SYT17: variants seen among roughly 807,000 people sequenced by gnomAD.
SYT17 encodes synaptotagmin 17, also known as synaptotagmin-17.
SYT17 carries 22 observed loss-of-function variants against 46.7 expected under a neutral mutation model. The observed-to-expected ratio is 0.47, with a 90% CI of 0.34 to 0.67. The LOEUF (loss-of-function observed/expected upper bound fraction) is 0.67. Ranked by LOEUF, SYT17 falls within the 30% of genes least tolerant of loss-of-function variation. SYT17 has a pLI of 0.01. For missense variants in SYT17, 519 were observed against 612.8 expected (o/e 0.85, Z 1.62); for synonymous variants, 251 against 248.4 (o/e 1.01, Z -0.10).
intron 7 of SYT17, among the ~76,000 whole-genome samples, chr16:19,249,275 A>AAAAT (rs71375627): frequency 0.075 from 10,858 of 145,276 alleles, 476 homozygotes; most frequent in Non-Finnish European, 0.1. Context: ...CGCCGTCTCA[A>AAAAT]AAATAAATAA....
intron 7 of SYT17, among the ~76,000 whole-genome samples, chr16:19,232,067 C>T (rs181640434): frequency 1.9e-4 from 29 of 152,210 alleles, no homozygotes; most frequent in East Asian, 7.7e-4. Context: ...CGGGCTCCCG[C>T]CCCGGAAGAG....
chr16:19,262,187 G>T (rs1053830598), intron 7 of SYT17, among the ~76,000 whole-genome samples: 1 of 152,220 alleles, frequency 6.6e-6, no homozygotes, highest in Non-Finnish European at 1.5e-5. Context: ...TGCTGCTATG[G>T]TCTGAATGTT....
In SYT17 at chr16:19,262,114, ATTCTC is replaced by A. The variant is rs545721941; in HGVS notation, c.1229-4765_1229-4761del. ...CACCACAGAACTTGGAAAAACTGTTATTCTCATGGTTACAGTTTATTACAGAAAAA... is the reference window on the plus strand; with the variant it reads ...CACCACAGAACTTGGAAAAACTGTTAATGGTTACAGTTTATTACAGAAAAA... On this transcript the variant is annotated intron_variant, in intron 7 of 7. Transcript: ENST00000355377. Among the ~76,000 whole-genome samples the A allele has an allele frequency of 1.6e-3, 245 of 152,332 alleles. 2 individuals carry two copies. The highest frequency in any genetic ancestry group is 5.1e-3 in the African/African-American group (214 of 41,570).
At chr16:19,188,529 A>G (rs1964878636) in intron 5 of SYT17, among the ~76,000 whole-genome samples, 3 of 151,478 alleles carry the variant, frequency 2.0e-5, no homozygotes, top group South Asian at 2.1e-4. Flanking sequence ...AAAAAAAAAA[A>G]AAAAAAAAAG....
At chr16:19,262,513 A>C (rs1969053120) in intron 7 of SYT17, among the ~76,000 whole-genome samples, 1 of 152,216 alleles carries the variant, frequency 6.6e-6, no homozygotes, top group South Asian at 2.1e-4. Flanking sequence ...AAGGGGAAAG[A>C]GTCCTCTTTG....
At chr16:19,177,312 A>G (rs1391977132) in intron 3 of SYT17, among the ~76,000 whole-genome samples, 1 of 152,222 alleles carries the variant, frequency 6.6e-6, no homozygotes, top group East Asian at 1.9e-4. Context: ...TGTGCAGTCT[A>G]CAGACTGAAC....
chr16:19,259,803 G>A lies in SYT17; in HGVS notation c.1229-7077G>A, dbSNP rs577228799. ...AACCAAAAAGTGTCTGAGACAAGTCGCAATCAGTTTGGGAGTTTATTTTCC... is the reference window on the plus strand; with the variant it reads ...AACCAAAAAGTGTCTGAGACAAGTCACAATCAGTTTGGGAGTTTATTTTCC... On this transcript the variant is annotated intron_variant, in intron 7 of 7. Transcript: ENST00000355377. Among the ~76,000 whole-genome samples the A allele has an allele frequency of 1.1e-4, 17 of 152,144 alleles. No individual in the cohort carries two copies. In the East Asian group the frequency reaches 2.7e-3, roughly 24 times the overall value.
chr16:19,186,584 C>G (rs548732039), intron 5 of SYT17, among the ~76,000 whole-genome samples: 7 of 152,244 alleles, frequency 4.6e-5, no homozygotes, highest in African/African-American at 1.7e-4. Context: ...CCGTCACACT[C>G]GGGCTTCCAG....
At chr16:19,251,377 A>G (rs1968055904) in intron 7 of SYT17, among the ~76,000 whole-genome samples, 2 of 152,200 alleles carry the variant, frequency 1.3e-5, no homozygotes, top group African/African-American at 4.8e-5. Flanking sequence ...TAGGTTAAGG[A>G]ATAGACTCTG....
intron 3 of SYT17, among the ~76,000 whole-genome samples, chr16:19,178,321 G>A (rs1964403010): frequency 1.3e-5 from 2 of 151,700 alleles, no homozygotes; most frequent in South Asian, 4.2e-4. Context: ...TCCTGACCTC[G>A]TGATCCACCC....
chr16:19,218,703 T>A (rs2142843123), intron 5 of SYT17, among the ~76,000 whole-genome samples: 1 of 152,256 alleles, frequency 6.6e-6, no homozygotes, highest in African/African-American at 2.4e-5. Flanking sequence ...CCTCACCACC[T>A]CCTTCCAGTT....
chr16:19,201,671 TAAAAAA>T (rs559424751), intron 5 of SYT17, among the ~76,000 whole-genome samples: 3 of 126,140 alleles, frequency 2.4e-5, no homozygotes, highest in Non-Finnish European at 5.0e-5. Flanking sequence ...TGCCCCTGCT[TAAAAAA>T]AAAAAAAAAA....
At chr16:19,231,382 C>T (rs1253375352) in intron 7 of SYT17, among the ~76,000 whole-genome samples, 1 of 151,878 alleles carries the variant, frequency 6.6e-6, no homozygotes, top group Non-Finnish European at 1.5e-5. Context: ...ACTAGCCTGG[C>T]CAACATGGTG....
intron 7 of SYT17, among the ~76,000 whole-genome samples, chr16:19,238,567 G>A (rs577904262): frequency 3.9e-5 from 6 of 152,240 alleles, no homozygotes; most frequent in Non-Finnish European, 8.8e-5. Flanking sequence ...GGGTTCCAAT[G>A]GCAGCCTTTG....
At chr16:19,248,353 A>G (rs1204968930) in intron 7 of SYT17, among the ~76,000 whole-genome samples, 3 of 152,238 alleles carry the variant, frequency 2.0e-5, no homozygotes, top group African/African-American at 7.2e-5. Flanking sequence ...CATCCAACCC[A>G]TGAATTATAC....
At chr16:19,215,387 T>C (rs1203596276) in intron 5 of SYT17, among the ~76,000 whole-genome samples, 2 of 152,190 alleles carry the variant, frequency 1.3e-5, no homozygotes, top group African/African-American at 4.8e-5. Flanking sequence ...ACTAATTTAT[T>C]TCAAACATCC....
chr16:19,215,225 G>A (rs1966050455), intron 5 of SYT17, among the ~76,000 whole-genome samples: 1 of 152,130 alleles, frequency 6.6e-6, no homozygotes, highest in South Asian at 2.1e-4. Context: ...TTTATTTGAT[G>A]TAGAAGTGGG....
intron 5 of SYT17, among the ~76,000 whole-genome samples, chr16:19,191,582 T>C (rs1342374293): frequency 2.0e-5 from 3 of 152,208 alleles, no homozygotes; most frequent in African/African-American, 7.2e-5. Flanking sequence ...CTGAATGGAC[T>C]AAGACAGTGA....
chr16:19,215,349 G>T (rs1966053874), intron 5 of SYT17, among the ~76,000 whole-genome samples: 1 of 152,172 alleles, frequency 6.6e-6, no homozygotes, highest in Non-Finnish European at 1.5e-5. Context: ...AATGGGTGAA[G>T]GTGATGTTGT....
Sources: gnomAD v4.1 joint callset for allele counts (sites outside exome capture counted in the v4.1 genomes callset) on GRCh38, gnomAD v4.1.1 for gene constraint, MANE v1.5 for transcripts, NCBI Gene and HGNC (gene_info 2026-07-23, HGNC 2026-07-21) for gene names.